Variants in LIMS1 observed in about 807,000 individuals in gnomAD.
LIMS1 encodes LIM zinc finger domain containing 1, also known as LIM and senescent cell antigen-like-containing domain protein 1.
Under a neutral mutation model 44.1 loss-of-function variants are expected in LIMS1, and 18 were observed. The ratio of observed to expected loss-of-function variants is 0.41; its 90% CI spans 0.28 to 0.61. The LOEUF (loss-of-function observed/expected upper bound fraction) is 0.61. Ranked by LOEUF, LIMS1 falls within the 20% of genes least tolerant of loss-of-function variation. The probability of loss-of-function intolerance (pLI) is 0.32; values close to 1 mark genes in which losing one functional copy is unlikely to be tolerated. For missense variants in LIMS1, 201 were observed against 422.0 expected, an observed-to-expected ratio of 0.48 and a Z score of 4.59; for synonymous variants, 93 against 149.1, an observed-to-expected ratio of 0.62 and a Z score of 2.74.
chr2:108,643,453 G>T (rs990115757), intron 1 of LIMS1, among the ~76,000 whole-genome samples: 1 of 152,124 alleles, frequency 6.6e-6, no homozygotes, highest in Non-Finnish European at 1.5e-5. Context: ...CATGCACCCC[G>T]GCCCAGATGT....
At chr2:108,635,429 TAAA>T (rs70956264) in intron 1 of LIMS1, among the ~76,000 whole-genome samples, 1 of 86,724 alleles carries the variant, frequency 1.2e-5, no homozygotes, top group Non-Finnish European at 2.1e-5. Flanking sequence ...ACTTCATCTC[TAAA>T]AAAAAAAAAA....
intron 1 of LIMS1, among the ~76,000 whole-genome samples, chr2:108,576,949 A>T (rs949734162): frequency 6.6e-6 from 1 of 152,180 alleles, no homozygotes; most frequent in Non-Finnish European, 1.5e-5. Context: ...TGGCCATCCC[A>T]AACAGGGATG....
chr2:108,592,040 G>A (rs1378802704), intron 1 of LIMS1, among the ~76,000 whole-genome samples: 2 of 151,890 alleles, frequency 1.3e-5, no homozygotes, highest in Non-Finnish European at 2.9e-5. Flanking sequence ...GGTGATCCAC[G>A]TGCCTCGGCC....
At chr2:108,633,665 G>GT (rs1286219152) in intron 1 of LIMS1, among the ~76,000 whole-genome samples, 1 of 152,174 alleles carries the variant, frequency 6.6e-6, no homozygotes, top group Admixed American at 6.5e-5. Flanking sequence ...CTAATAGTTG[G>GT]TTAAAGGTTT....
chr2:108,572,013 T>C (rs1685495150), intron 1 of LIMS1, among the ~76,000 whole-genome samples: 1 of 152,194 alleles, frequency 6.6e-6, no homozygotes, highest in African/African-American at 2.4e-5. Flanking sequence ...GCATTTAGTG[T>C]AGCAATGCCA....
intron 1 of LIMS1, among the ~76,000 whole-genome samples, chr2:108,602,742 A>C (rs1042960722): frequency 6.6e-5 from 10 of 152,094 alleles, no homozygotes; most frequent in Non-Finnish European, 1.2e-4. Flanking sequence ...AATTCATCAG[A>C]GATATTGACC....
intron 1 of LIMS1, among the ~76,000 whole-genome samples, chr2:108,568,802 T>A (rs1685383007): frequency 6.6e-6 from 1 of 152,254 alleles, no homozygotes; most frequent in Non-Finnish European, 1.5e-5. Context: ...CACCTTTTTA[T>A]ATGCTTGTTA....
intron 1 of LIMS1, among the ~76,000 whole-genome samples, chr2:108,629,188 A>G (rs1035826808): frequency 6.6e-6 from 1 of 152,240 alleles, no homozygotes; most frequent in Non-Finnish European, 1.5e-5. Flanking sequence ...TGGCAGTGTT[A>G]TAGGGAAGAA....
At chr2:108,676,074 T>C (rs1164362294) in intron 6 of LIMS1, 46 bp downstream of exon 6, 1 of 1,563,604 alleles carries the variant, frequency 6.4e-7, no homozygotes, top group African/African-American at 1.4e-5. Flanking sequence ...CAAATCTCCA[T>C]GATTAAGGGG....
At chr2:108,570,146 C>A (rs1319238813) in intron 1 of LIMS1, among the ~76,000 whole-genome samples, 2 of 152,014 alleles carry the variant, frequency 1.3e-5, no homozygotes, top group Non-Finnish European at 2.9e-5. Flanking sequence ...TATAGTAATA[C>A]TAGGCCGGGA....
intron 1 of LIMS1, among the ~76,000 whole-genome samples, chr2:108,584,266 A>G (rs1686007635): frequency 6.6e-6 from 1 of 152,148 alleles, no homozygotes; most frequent in African/African-American, 2.4e-5. Flanking sequence ...CAGAGGAAAA[A>G]CATAGACATG....
chr2:108,600,960 G>A (rs1414431245), intron 1 of LIMS1, among the ~76,000 whole-genome samples: 2 of 142,830 alleles, frequency 1.4e-5, no homozygotes, highest in East Asian at 1.9e-4. Context: ...CTTTCACAGA[G>A]TCTTACTCTG....
intron 1 of LIMS1, among the ~76,000 whole-genome samples, chr2:108,637,245 G>A (rs1184729524): frequency 2.0e-5 from 3 of 151,716 alleles, no homozygotes; most frequent in Non-Finnish European, 4.4e-5. Context: ...AGAAAATAAC[G>A]GGCAGTGAAA....
At chr2:108,610,601 GA>G (rs1195264415) in intron 1 of LIMS1, among the ~76,000 whole-genome samples, 1 of 152,094 alleles carries the variant, frequency 6.6e-6, no homozygotes, top group Non-Finnish European at 1.5e-5. Context: ...ACAAACGAGT[GA>G]TAATTCTTTA....
At chr2:108,556,919 G>A (rs1427271219) in intron 1 of LIMS1, among the ~76,000 whole-genome samples, 1 of 152,194 alleles carries the variant, frequency 6.6e-6, no homozygotes, top group East Asian at 1.9e-4. Context: ...TAAATACAAA[G>A]GCTGTAGAAG....
intron 1 of LIMS1, among the ~76,000 whole-genome samples, chr2:108,638,737 C>T (rs1306102273): frequency 6.6e-6 from 1 of 150,932 alleles, no homozygotes; most frequent in Non-Finnish European, 1.5e-5. Context: ...CAGAGTGAGA[C>T]TCTGTCTCAA....
chr2:108,575,416 G>C (rs1009060121), intron 1 of LIMS1, among the ~76,000 whole-genome samples: 4 of 152,160 alleles, frequency 2.6e-5, no homozygotes, highest in African/African-American at 4.8e-5. Flanking sequence ...CTGCCCTTAC[G>C]GCTCACAGAG....
chr2:108,564,478 CTT>C (rs1685228673), intron 1 of LIMS1, among the ~76,000 whole-genome samples: 1 of 152,060 alleles, frequency 6.6e-6, no homozygotes, highest in Non-Finnish European at 1.5e-5. Flanking sequence ...AAGAGATAGA[CTT>C]ATTTTGAGGA....
chr2:108,624,857 T>A (rs1358283067), intron 1 of LIMS1, among the ~76,000 whole-genome samples: 1 of 152,216 alleles, frequency 6.6e-6, no homozygotes, highest in East Asian at 1.9e-4. Flanking sequence ...GGCAGGCAGA[T>A]CACCTGAGCT....
Sources: gnomAD v4.1 joint callset for allele counts (sites outside exome capture counted in the v4.1 genomes callset) on GRCh38, gnomAD v4.1.1 for gene constraint, MANE v1.5 for transcripts, NCBI Gene and HGNC (gene_info 2026-07-23, HGNC 2026-07-21) for gene names.